PRMT8: variants seen among roughly 807,000 people sequenced by gnomAD.
PRMT8 encodes protein arginine N-methyltransferase 8.
A neutral mutation model predicts 47.1 loss-of-function variants in PRMT8; 7 were observed. The ratio of observed to expected loss-of-function variants is 0.15; its 90% CI spans 0.08 to 0.28. PRMT8 has a LOEUF of 0.28. Ranked by LOEUF, PRMT8 falls within the 10% of genes least tolerant of loss-of-function variation. The pLI is 1.00. For synonymous variants in PRMT8, 188 were observed against 186.5 expected, an observed-to-expected ratio of 1.01 and a Z score of -0.07; for missense variants, 237 against 505.4, an observed-to-expected ratio of 0.47 and a Z score of 5.09.
chr12:3,459,442 C>T (rs1254568296), intron 1 of PRMT8, among the ~76,000 whole-genome samples: 1 of 152,212 alleles, frequency 6.6e-6, no homozygotes, highest in Non-Finnish European at 1.5e-5. Context: ...CTGAGTGCCT[C>T]TCCCAGCCCT....
At chr12:3,518,303 G>A (rs915194658) in intron 1 of PRMT8, among the ~76,000 whole-genome samples, 27 of 151,928 alleles carry the variant, frequency 1.8e-4, no homozygotes, top group Non-Finnish European at 1.9e-4. Flanking sequence ...TAAACAGCAG[G>A]CATCTAATGT....
intron 1 of PRMT8, among the ~76,000 whole-genome samples, chr12:3,483,059 C>A (rs1865289862): frequency 6.6e-6 from 1 of 152,280 alleles, no homozygotes. Flanking sequence ...GTGACCTGGA[C>A]AAGTTCAGCA....
intron 1 of PRMT8, among the ~76,000 whole-genome samples, chr12:3,424,402 A>T (rs1226145846): frequency 6.6e-6 from 1 of 152,202 alleles, no homozygotes; most frequent in African/African-American, 2.4e-5. Context: ...CAGCATCCAC[A>T]TTCATTTTTA....
intron 9 of PRMT8, among the ~76,000 whole-genome samples, chr12:3,592,713 G>T (rs1867334190): frequency 6.6e-6 from 1 of 152,212 alleles, no homozygotes; most frequent in African/African-American, 2.4e-5. Context: ...CATTTCTTCA[G>T]CTGGCCTGGT....
At chr12:3,431,112 G>T (rs1864671457) in intron 1 of PRMT8, among the ~76,000 whole-genome samples, 1 of 152,210 alleles carries the variant, frequency 6.6e-6, no homozygotes, top group South Asian at 2.1e-4. Flanking sequence ...AAGGAATTTA[G>T]ATTTGGTTTT....
intron 1 of PRMT8, among the ~76,000 whole-genome samples, chr12:3,476,810 G>A (rs545311384): frequency 1.2e-4 from 19 of 152,316 alleles, no homozygotes; most frequent in African/African-American, 4.1e-4. Context: ...TTGGATGTGA[G>A]CATCTATGCA....
intron 6 of PRMT8, among the ~76,000 whole-genome samples, chr12:3,575,003 T>G (rs551076561): frequency 6.6e-6 from 1 of 152,354 alleles, no homozygotes; most frequent in African/African-American, 2.4e-5. Flanking sequence ...GAGTCTTCTC[T>G]GAAACCTGCC....
At chr12:3,558,853 G>C (rs1377341507) in intron 4 of PRMT8, among the ~76,000 whole-genome samples, 1 of 152,166 alleles carries the variant, frequency 6.6e-6, no homozygotes, top group Non-Finnish European at 1.5e-5. Context: ...CCATGGGAAA[G>C]CTGCTCTTTT....
At chr12:3,565,980 A>T (rs766263821) in intron 4 of PRMT8, among the ~76,000 whole-genome samples, 1 of 152,180 alleles carries the variant, frequency 6.6e-6, no homozygotes, top group Non-Finnish European at 1.5e-5. Flanking sequence ...AGGAGAAAAC[A>T]TCTTCTAGGG....
At chr12:3,585,344 G>GTTTTT (rs1867147534) in intron 8 of PRMT8, among the ~76,000 whole-genome samples, 1 of 65,834 alleles carries the variant, frequency 1.5e-5, no homozygotes, top group Admixed American at 2.0e-4. Context: ...AGAAAATGAT[G>GTTTTT]CTTTTTTTTT....
intron 8 of PRMT8, among the ~76,000 whole-genome samples, chr12:3,587,958 G>GC (rs34072536): frequency 0.068 from 10,372 of 151,818 alleles, 494 homozygotes; most frequent in Non-Finnish European, 0.09. Flanking sequence ...TGGGCACGGT[G>GC]CCCCCCCCAC....
intron 1 of PRMT8, among the ~76,000 whole-genome samples, chr12:3,530,791 A>G (rs939566298): frequency 1.3e-5 from 2 of 152,208 alleles, no homozygotes; most frequent in East Asian, 3.9e-4. Context: ...ACAGAGTCAT[A>G]CGGCGAGAGC....
Position 3,566,889 on chromosome 12 carries a change from C to G in PRMT8, c.482-1817C>G, listed in dbSNP as rs774636784. 6.6e-6 allele frequency among the ~76,000 whole-genome samples: 1 copy of G among 152,186 alleles called. No homozygotes were observed. Among genetic ancestry groups the G allele is most frequent in the African/African-American group, 2.4e-5 (1 of 41,440 alleles). The stretch of plus-strand genomic sequence containing the variant: ...GAAATGTTCAGAAAGAACAAACCAA[C>G]CAATACATCAGCCTGCCAATTTAAC... On this transcript the variant is annotated intron_variant, in intron 4 of 9. Coordinates refer to ENST00000382622, the MANE Select transcript of PRMT8 (RefSeq NM_019854.5). This position sits in a 1 kb window ranked among gnomAD's most constrained non-coding sequence, Gnocchi z 4.7.
chr12:3,475,228 C>T (rs1353377284), intron 1 of PRMT8, among the ~76,000 whole-genome samples: 2 of 152,014 alleles, frequency 1.3e-5, no homozygotes, highest in African/African-American at 4.8e-5. Flanking sequence ...GGAGTGGTGG[C>T]AGTCATGAAG....
intron 4 of PRMT8, among the ~76,000 whole-genome samples, chr12:3,561,155 T>C (rs772100311): frequency 6.6e-6 from 1 of 152,210 alleles, no homozygotes; most frequent in Non-Finnish European, 1.5e-5. Flanking sequence ...GGGCAGTGGT[T>C]GGAACATTCT....
At chr12:3,589,538 C>A (rs1867255762) in intron 8 of PRMT8, among the ~76,000 whole-genome samples, 1 of 152,128 alleles carries the variant, frequency 6.6e-6, no homozygotes, top group African/African-American at 2.4e-5. Flanking sequence ...CCCTCCACGC[C>A]CCCCAGAATT....
In PRMT8 at chr12:3,572,551, G is replaced by A. The variant is rs1178481716; in HGVS notation, c.712+2987G>A. 2.0e-5 allele frequency among the ~76,000 whole-genome samples: 3 copies of A among 152,198 alleles called. No homozygotes were observed. Among genetic ancestry groups the A allele is most frequent in the Non-Finnish European group, 4.4e-5 (3 of 68,034 alleles). On this transcript the variant is annotated intron_variant, in intron 6 of 9. Transcript: ENST00000382622. This position sits in a 1 kb window ranked among gnomAD's most constrained non-coding sequence, Gnocchi z 5.9. Reference sequence around the variant, plus strand: ...CAGTGCTTATAGCTTGATGGTTGAAGGGCGGCCCTCTTGGATGGCTCAGCT... The same window carrying A: ...CAGTGCTTATAGCTTGATGGTTGAAAGGCGGCCCTCTTGGATGGCTCAGCT...
At chr12:3,486,224 C>T (rs1020669922), upstream of PRMT8, among the ~76,000 whole-genome samples, 9 of 152,176 alleles carry the variant, frequency 5.9e-5, no homozygotes, top group African/African-American at 1.9e-4. Context: ...CAGGGTCTCC[C>T]GGTCCATATC....
chr12:3,392,030 A>G (rs1285134657), intron 1 of PRMT8, among the ~76,000 whole-genome samples: 1 of 152,202 alleles, frequency 6.6e-6, no homozygotes, highest in Admixed American at 6.5e-5. Flanking sequence ...GGTTGGAGGC[A>G]TGAAAGTGCA....
Sources: allele counts gnomAD v4.1 joint callset (sites outside exome capture counted in the v4.1 genomes callset), GRCh38; gene constraint gnomAD v4.1.1; non-coding constraint Gnocchi (gnomAD v3.1); transcripts MANE v1.5; gene names NCBI Gene and HGNC (gene_info 2026-07-23, HGNC 2026-07-21).